ATL2: variants seen among roughly 807,000 people sequenced by gnomAD.
ATL2 encodes the protein atlastin-2.
A neutral mutation model predicts 73.9 loss-of-function variants in ATL2; 31 were observed. The observed-to-expected ratio is 0.42, with a 90% CI of 0.32 to 0.57. The LOEUF (loss-of-function observed/expected upper bound fraction) is 0.57. Ranked by LOEUF, ATL2 falls within the 20% of genes least tolerant of loss-of-function variation. ATL2 has a pLI of 0.14. For missense variants in ATL2, 738 were observed against 702.6 expected (o/e 1.05, Z -0.57); for synonymous variants, 291 against 237.5 (o/e 1.23, Z -2.07).
intron 2 of ATL2, among the ~76,000 whole-genome samples, chr2:38,323,073 CAAG>C (rs1426647066): frequency 1.3e-5 from 2 of 152,104 alleles, no homozygotes; most frequent in Non-Finnish European, 2.9e-5. Context: ...CAGCAGTGAA[CAAG>C]AATAAACATT....
chr2:38,306,054 A>G, intron 9 of ATL2, among the ~76,000 whole-genome samples: 1 of 152,210 alleles, frequency 6.6e-6, no homozygotes, highest in Non-Finnish European at 1.5e-5. Flanking sequence ...AGAGATGAAA[A>G]AGGAGACATT....
intron 2 of ATL2, among the ~76,000 whole-genome samples, chr2:38,334,040 T>TTC (rs1235244949): frequency 6.7e-6 from 1 of 149,084 alleles, no homozygotes; most frequent in East Asian, 2.0e-4. Flanking sequence ...TTTTTTTTTT[T>TTC]TTTTTTTGAG....
chr2:38,303,749 A>G (rs557961576), intron 9 of ATL2, among the ~76,000 whole-genome samples: 1 of 152,328 alleles, frequency 6.6e-6, no homozygotes, highest in East Asian at 1.9e-4. Flanking sequence ...ATATTTAAGA[A>G]CAAAAGATTA....
intron 4 of ATL2, among the ~76,000 whole-genome samples, chr2:38,317,403 G>C (rs1162713978): frequency 6.6e-6 from 1 of 152,142 alleles, no homozygotes; most frequent in Non-Finnish European, 1.5e-5. Flanking sequence ...GTTTAATTCA[G>C]TCCAATCCAT....
intron 7 of ATL2, 47 bp downstream of exon 7, chr2:38,313,104 G>A: frequency 1.4e-6 from 2 of 1,398,028 alleles, no homozygotes; most frequent in Non-Finnish European, 1.0e-6. Context: ...CCACCCGTTT[G>A]CCTAGCTTGG....
At position 38,334,910 on chromosome 2, in the gene ATL2, A is replaced by ATTT. The variant is rs1172916271; in HGVS notation, c.363+8357_363+8358insAAA. On this transcript the variant is annotated intron_variant, in intron 2 of 12. Transcript: ENST00000378954. ...ATATATAATATATATTATTTATAAT[A>ATTT]TATAAATATATTTATATATTATAAT... Among the ~76,000 whole-genome samples, 275 of 137,624 alleles carry ATTT rather than the reference A, an allele frequency of 2.0e-3. 6 individuals carry two copies. Among genetic ancestry groups the ATTT allele is most frequent in the South Asian group, 3.8e-3 (18 of 4,696 alleles). 90.3% of individuals were successfully genotyped at this position (137,624 alleles called of 152,430 possible).
chr2:38,345,514 C>T (rs1377189139), intron 1 of ATL2, among the ~76,000 whole-genome samples: 1 of 152,066 alleles, frequency 6.6e-6, no homozygotes, highest in Admixed American at 6.5e-5. Context: ...AAAACAATGA[C>T]AATGCATTAT....
rs1558432787 is a variant in ATL2 at position 38,343,442 on chromosome 2, A to T, written c.189T>A (p.Ile63=). The change falls in exon 2 of 13, where the codon ATT becomes ATA. Residue 63 remains isoleucine, a synonymous_variant. Coordinates refer to ENST00000378954, the MANE Select transcript of ATL2 (RefSeq NM_001135673.4). ...EVMKKPCPVQ[I]VLAHEDDHNF... ...TATGGTCATCTTCATGAGCAAGAACAATCTGTACTGGACATGGTTTCTTCA... is the reference window on the plus strand; with the variant it reads ...TATGGTCATCTTCATGAGCAAGAACTATCTGTACTGGACATGGTTTCTTCA... 6.2e-7 allele frequency: 1 copy of T among 1,613,090 alleles called. No individual in the cohort carries two copies. The highest frequency in any genetic ancestry group is 2.2e-5 in the East Asian group (1 of 44,860).
At chr2:38,325,202 C>T (rs931502228) in intron 2 of ATL2, among the ~76,000 whole-genome samples, 2 of 152,162 alleles carry the variant, frequency 1.3e-5, no homozygotes, top group Non-Finnish European at 1.5e-5. Flanking sequence ...AGTCATCAGA[C>T]CTATCTTTAC....
At chr2:38,327,107 T>A (rs1198678118) in intron 2 of ATL2, among the ~76,000 whole-genome samples, 3 of 151,702 alleles carry the variant, frequency 2.0e-5, no homozygotes, top group Non-Finnish European at 4.4e-5. Flanking sequence ...AGTAAAGTTA[T>A]CCTACAAAAG....
chr2:38,332,385 T>G (rs1318848732), intron 2 of ATL2, among the ~76,000 whole-genome samples: 1 of 152,062 alleles, frequency 6.6e-6, no homozygotes, highest in East Asian at 1.9e-4. Context: ...TTTTTGATTT[T>G]TGTAGAGATG....
intron 2 of ATL2, among the ~76,000 whole-genome samples, chr2:38,329,776 G>C (rs1275706365): frequency 6.6e-6 from 1 of 152,110 alleles, no homozygotes; most frequent in African/African-American, 2.4e-5. Context: ...CTCCAGGAAT[G>C]CAAGGCTGGC....
At chr2:38,350,389 G>C (rs183285403) in intron 1 of ATL2, among the ~76,000 whole-genome samples, 1 of 152,048 alleles carries the variant, frequency 6.6e-6, no homozygotes, top group Non-Finnish European at 1.5e-5. Flanking sequence ...TTTGCCACAC[G>C]GCCTAACAAA....
intron 2 of ATL2, among the ~76,000 whole-genome samples, chr2:38,325,906 T>TCAAA (rs1271281498): frequency 3.8e-5 from 2 of 52,054 alleles, no homozygotes; most frequent in African/African-American, 1.1e-4. Context: ...TTTGTTTGTT[T>TCAAA]AAAAAAAAAA....
intron 1 of ATL2, among the ~76,000 whole-genome samples, chr2:38,349,178 T>C (rs1160703313): frequency 1.3e-5 from 2 of 152,070 alleles, no homozygotes; most frequent in African/African-American, 2.4e-5. Flanking sequence ...ACTGGGTATA[T>C]ACCCAAAGGA....
intron 2 of ATL2, among the ~76,000 whole-genome samples, chr2:38,328,420 C>A (rs1415678468): frequency 1.3e-5 from 2 of 152,178 alleles, no homozygotes; most frequent in African/African-American, 4.8e-5. Flanking sequence ...AGACCATATC[C>A]TGAGCCTTAA....
chr2:38,349,842 T>A (rs1573547918), intron 1 of ATL2, among the ~76,000 whole-genome samples: 1 of 152,132 alleles, frequency 6.6e-6, no homozygotes, highest in African/African-American at 2.4e-5. Flanking sequence ...TTTGTCACCA[T>A]ATCTAGTCTA....
chr2:38,312,754 C>T (rs1457345721), intron 7 of ATL2, among the ~76,000 whole-genome samples: 3 of 151,830 alleles, frequency 2.0e-5, no homozygotes, highest in Non-Finnish European at 2.9e-5. Flanking sequence ...CTTCACCATC[C>T]GCCATGATTG....
intron 2 of ATL2, among the ~76,000 whole-genome samples, chr2:38,340,409 T>G (rs921372940): frequency 3.3e-5 from 5 of 150,086 alleles, no homozygotes; most frequent in African/African-American, 1.2e-4. Flanking sequence ...GAATTAGAAG[T>G]GGGGGGGGCA....
Sources: allele counts gnomAD v4.1 joint callset (sites outside exome capture counted in the v4.1 genomes callset), GRCh38; gene constraint gnomAD v4.1.1; transcripts MANE v1.5; gene names NCBI Gene and HGNC (gene_info 2026-07-23, HGNC 2026-07-21).